The following ST3GAL1 variants were observed in gnomAD, a reference collection of about 807,000 sequenced individuals.
The protein encoded by ST3GAL1 is ST3 beta-galactoside alpha-2,3-sialyltransferase 1.
ST3GAL1 carries 16 observed loss-of-function variants against 34.1 expected under a neutral mutation model. That is an observed-to-expected ratio of 0.47 (90% confidence interval 0.32 to 0.71). The LOEUF is 0.71. ST3GAL1 is among the 30% of genes least tolerant of loss of function. ST3GAL1 has a pLI of 0.04. For synonymous variants in ST3GAL1, 191 were observed against 184.7 expected (o/e 1.03, Z -0.28); for missense variants, 353 against 447.4 (o/e 0.79, Z 1.90).
intron 2 of ST3GAL1, among the ~76,000 whole-genome samples, chr8:133,528,899 T>C (rs1206505805): frequency 6.6e-6 from 1 of 152,190 alleles, no homozygotes; most frequent in African/African-American, 2.4e-5. Flanking sequence ...AGCTTCCCAA[T>C]GGAGATGGTC....
At position 133,553,080 on chromosome 8, in the gene ST3GAL1, T is replaced by C. The variant is rs538085147; in HGVS notation, c.-581-7154A>G. Among the ~76,000 whole-genome samples, 13 of 152,252 alleles carry C rather than the reference T, an allele frequency of 8.5e-5. 2 individuals carry two copies. The South Asian group carries it at 1.4e-3, about 17-fold the overall frequency. ...CTCAAAGGGATACTGAGTTCAAATG[T>C]AGAGACGGCGCCAGGGCTGACATGA... is the stretch of plus-strand genomic sequence containing the variant. On this transcript the variant is annotated intron_variant, in intron 1 of 9. Transcript: ENST00000522652.
intron 1 of ST3GAL1, among the ~76,000 whole-genome samples, chr8:133,559,858 A>G (rs1819164062): frequency 6.6e-6 from 1 of 151,972 alleles, no homozygotes; most frequent in Non-Finnish European, 1.5e-5. Context: ...CCTTTCTCCA[A>G]ACCCCCCGGC....
At position 133,543,297 on chromosome 8, in the gene ST3GAL1, C is replaced by T. The variant is rs76499643; in HGVS notation, c.-429+2477G>A. Among the ~76,000 whole-genome samples, 3,454 of 152,264 alleles carry T rather than the reference C, an allele frequency of 0.023. 208 individuals carry two copies. The East Asian group carries it at 0.23, about 10-fold the overall frequency. On this transcript the variant is annotated intron_variant, in intron 2 of 9. Transcript: ENST00000522652. ...GAAATACAAGATTAAGAAAGTTTTC[C>T]AAGAAAGACACATGCCAACTGGCTT...
chr8:133,536,680 G>A (rs898054441), intron 2 of ST3GAL1, among the ~76,000 whole-genome samples: 20 of 152,152 alleles, frequency 1.3e-4, no homozygotes, highest in Non-Finnish European at 2.4e-4. Flanking sequence ...GCTCAGTGAG[G>A]AACCACAGGG....
At chr8:133,521,252 G>T (rs1817799661) in intron 2 of ST3GAL1, among the ~76,000 whole-genome samples, 2 of 151,048 alleles carry the variant, frequency 1.3e-5, no homozygotes, top group Middle Eastern at 3.4e-3. Context: ...TCCTGCCTCA[G>T]CCTCCCAAGT....
chr8:133,500,685 C>T (rs1817122117), intron 2 of ST3GAL1, among the ~76,000 whole-genome samples: 1 of 152,100 alleles, frequency 6.6e-6, no homozygotes, highest in African/African-American at 2.4e-5. Flanking sequence ...TAGTAGTCCC[C>T]ACCTCCTAGG....
intron 5 of ST3GAL1, 61 bp downstream of exon 5, chr8:133,475,658 C>T (rs896811510): frequency 1.4e-5 from 21 of 1,480,820 alleles, no homozygotes; most frequent in Admixed American, 2.2e-5. Flanking sequence ...TCAGCCCAGA[C>T]CCCACTCTCA....
intron 2 of ST3GAL1, among the ~76,000 whole-genome samples, chr8:133,520,773 G>GT (rs34241731): frequency 0.08 from 10,456 of 130,782 alleles, 571 homozygotes; most frequent in Middle Eastern, 0.15. Context: ...TTTTTTGTGG[G>GT]TTTTTTTTTT....
rs950679674 is a variant in ST3GAL1, at chr8:133,455,506, G to T, written c.*4258C>A. Reference sequence around the variant, plus strand: ...TAGCACCCCAGGGGTGCAGGAGCTGGTGTTTTCATGACAAACAAAAATGGG... The same window carrying T: ...TAGCACCCCAGGGGTGCAGGAGCTGTTGTTTTCATGACAAACAAAAATGGG... On this transcript the variant is annotated 3_prime_UTR_variant, in exon 10 of 10. Coordinates refer to ENST00000522652, the MANE Select transcript of ST3GAL1 (RefSeq NM_173344.3). 3 of 152,196 alleles carry T rather than the reference G, an allele frequency of 2.0e-5. No individual in the cohort carries two copies. The highest frequency in any genetic ancestry group is 4.8e-5 in the African/African-American group (2 of 41,424). The allele number at this position is 152,196 out of a possible 1,614,324, so 9.4% of individuals were successfully genotyped here.
chr8:133,536,668 G>A (rs1468438730), intron 2 of ST3GAL1, among the ~76,000 whole-genome samples: 3 of 152,092 alleles, frequency 2.0e-5, no homozygotes, highest in African/African-American at 4.8e-5. Context: ...CATTTATCAC[G>A]GGCTCAGTGA....
intron 1 of ST3GAL1, among the ~76,000 whole-genome samples, chr8:133,567,746 CT>C (rs1819445428): frequency 6.6e-6 from 1 of 152,144 alleles, no homozygotes; most frequent in African/African-American, 2.4e-5. Flanking sequence ...GGGAGATGCC[CT>C]TGGCATGGGG....
intron 2 of ST3GAL1, among the ~76,000 whole-genome samples, chr8:133,518,654 T>C (rs1418172304): frequency 6.6e-6 from 1 of 152,108 alleles, no homozygotes. Flanking sequence ...CTCCCTAGGC[T>C]TGGAGGCTGG....
intron 3 of ST3GAL1, among the ~76,000 whole-genome samples, chr8:133,489,907 G>A (rs1816736021): frequency 6.6e-6 from 1 of 152,090 alleles, no homozygotes; most frequent in African/African-American, 2.4e-5. Context: ...TGTTTGATAA[G>A]CCTGCAGACA....
At chr8:133,487,348 TTTAACA>T (rs36214967) in intron 3 of ST3GAL1, among the ~76,000 whole-genome samples, 131,948 of 151,570 alleles carry the variant, frequency 0.87, 57,992 homozygotes, top group East Asian at 1. Flanking sequence ...CAAAAGAATA[TTTAACA>T]TTAACATTAA....
intron 8 of ST3GAL1, among the ~76,000 whole-genome samples, chr8:133,462,419 T>C (rs1272499346): frequency 1.3e-5 from 2 of 152,124 alleles, no homozygotes; most frequent in Admixed American, 6.5e-5. Context: ...CGCCAATCCT[T>C]AAAATGACCT....
intron 1 of ST3GAL1, among the ~76,000 whole-genome samples, chr8:133,553,834 T>C (rs1818929153): frequency 6.6e-6 from 1 of 152,170 alleles, no homozygotes; most frequent in Admixed American, 6.5e-5. Context: ...GCCAACAGCC[T>C]GGATACCAGG....
intron 2 of ST3GAL1, among the ~76,000 whole-genome samples, chr8:133,528,946 G>A (rs1390262097): frequency 6.6e-6 from 1 of 152,242 alleles, no homozygotes; most frequent in Non-Finnish European, 1.5e-5. Context: ...AAATACACTT[G>A]CTGGATGAAT....
At chr8:133,542,176 C>T (rs947199178) in intron 2 of ST3GAL1, among the ~76,000 whole-genome samples, 2 of 152,160 alleles carry the variant, frequency 1.3e-5, no homozygotes, top group African/African-American at 4.8e-5. Context: ...GGCAATGCTA[C>T]CCCAGAAACA....
At chr8:133,503,237 C>CA (rs1817237167) in intron 2 of ST3GAL1, among the ~76,000 whole-genome samples, 1 of 139,610 alleles carries the variant, frequency 7.2e-6, no homozygotes, top group South Asian at 2.3e-4. Flanking sequence ...AGTATTCTAA[C>CA]GCCCCCCAAC....
Sources: gnomAD v4.1 joint callset for allele counts (sites outside exome capture counted in the v4.1 genomes callset) on GRCh38, gnomAD v4.1.1 for gene constraint, MANE v1.5 for transcripts, NCBI Gene and HGNC (gene_info 2026-07-23, HGNC 2026-07-21) for gene names.